Variants in DCAF12 observed in about 807,000 individuals in gnomAD.
DCAF12 encodes DDB1 and CUL4 associated factor 12, also known as DDB1- and CUL4-associated factor 12.
In DCAF12, 28 loss-of-function variants were observed where a neutral mutation model predicts 52.8. That is an observed-to-expected ratio of 0.53 (90% confidence interval 0.39 to 0.73). The LOEUF (loss-of-function observed/expected upper bound fraction) is 0.73, where lower values mean the gene tolerates loss of function less well. Among genes scored for constraint, DCAF12 ranks in the 30% least tolerant of loss-of-function variants. The pLI, the probability that DCAF12 is intolerant of heterozygous loss-of-function variation, is 0.00. For synonymous variants in DCAF12, 196 were observed against 215.5 expected (o/e 0.91, Z 0.79); for missense variants, 425 against 552.2 (o/e 0.77, Z 2.31).
In DCAF12 at chr9:34,087,340, G is replaced by A. The variant is rs917480117; in HGVS notation, c.*1010C>T. 6.6e-6 allele frequency: 1 copy of A among 152,306 alleles called. No homozygotes were observed. Among genetic ancestry groups the A allele is most frequent in the African/African-American group, 2.4e-5 (1 of 41,462 alleles). The allele number at this position is 152,306 out of a possible 1,614,324, so 9.4% of individuals were successfully genotyped here. On this transcript the variant is annotated 3_prime_UTR_variant, in exon 9 of 9. Transcript: ENST00000361264. ...CACTGGGGAGATTGGAAGAATGGCAGAGAGGATTCTCCTCAAAGCCATGGG... is the reference window on the plus strand; with the variant it reads ...CACTGGGGAGATTGGAAGAATGGCAAAGAGGATTCTCCTCAAAGCCATGGG...
chr9:34,098,663 A>C, intron 4 of DCAF12, 146 bp from the exon 5 acceptor site: 3 of 678,246 alleles, frequency 4.4e-6, no homozygotes, highest in Non-Finnish European at 7.2e-6. Flanking sequence ...CACCCTAAAC[A>C]CAGAGCAGTA....
intron 6 of DCAF12, among the ~76,000 whole-genome samples, chr9:34,094,032 A>T (rs1325042135): frequency 6.6e-6 from 1 of 152,204 alleles, no homozygotes; most frequent in East Asian, 1.9e-4. Context: ...AGGTCAGTGG[A>T]GCTCAAAGGC....
Position 34,126,540 on chromosome 9 carries a change from CG to C in DCAF12, c.-110del. The stretch of plus-strand genomic sequence containing the variant: ...CCGGGGCCGCGCACCTTAGTGCGCC[CG>C]GCCCGGAAAATGGCCCGGACCCGGA... On this transcript the variant is annotated 5_prime_UTR_variant, in exon 1 of 9. Transcript: ENST00000361264. 2 of 1,256,712 alleles carry C rather than the reference CG, an allele frequency of 1.6e-6. No individual in the cohort carries two copies. The highest frequency in any genetic ancestry group is 1.1e-6 in the Non-Finnish European group (1 of 939,372). 77.8% of individuals were successfully genotyped at this position (1,256,712 alleles called of 1,614,324 possible).
intron 2 of DCAF12, among the ~76,000 whole-genome samples, chr9:34,113,345 C>G (rs986026799): frequency 6.6e-6 from 1 of 152,020 alleles, no homozygotes; most frequent in Admixed American, 6.6e-5. Context: ...GGCCACTGTA[C>G]GCGGCCTGAA....
At position 34,125,086 on chromosome 9, in the gene DCAF12, A is replaced by G; in HGVS notation, c.270T>C (p.Asn90=). 1 of 1,614,116 alleles carries G rather than the reference A, an allele frequency of 6.2e-7. No homozygotes were observed. Among genetic ancestry groups the G allele is most frequent in the Non-Finnish European group, 8.5e-7 (1 of 1,180,030 alleles). The change falls in exon 2 of 9, where the codon AAT becomes AAC. Residue 90 remains asparagine, a synonymous_variant. Coordinates refer to ENST00000361264, the MANE Select transcript of DCAF12 (RefSeq NM_015397.4). ...KEREFHLGTL[N]KVFASQWLNH... is the part of the protein sequence containing the mutation. Reference sequence around the variant, plus strand: ...TCAACCACTGAGATGCAAACACTTTATTAAGGGTCCCAAGGTGAAACTCTC... The same window carrying G: ...TCAACCACTGAGATGCAAACACTTTGTTAAGGGTCCCAAGGTGAAACTCTC...
intron 2 of DCAF12, among the ~76,000 whole-genome samples, chr9:34,115,362 C>G (rs569728336): frequency 6.7e-6 from 1 of 149,542 alleles, no homozygotes; most frequent in Non-Finnish European, 1.5e-5. Context: ...GAGGCCGAGG[C>G]GGGCGGATCA....
At chr9:34,101,103 G>A (rs1980886) in intron 4 of DCAF12, among the ~76,000 whole-genome samples, 23,960 of 142,620 alleles carry the variant, frequency 0.17, 2,608 homozygotes, top group Non-Finnish European at 0.24. Context: ...ACAGGTTCTG[G>A]CTCTGTCACC....
chr9:34,088,948 A>G (rs1464751505), intron 8 of DCAF12, among the ~76,000 whole-genome samples: 1 of 149,306 alleles, frequency 6.7e-6, no homozygotes, highest in Non-Finnish European at 1.5e-5. Context: ...CATCTCTACT[A>G]AAAAAAAATA....
chr9:34,088,532 A>T, intron 8 of DCAF12, 24 bp from the exon 9 acceptor site: 1 of 1,613,788 alleles, frequency 6.2e-7, no homozygotes, highest in South Asian at 1.1e-5. Context: ...AAGAGACTAC[A>T]ATTAGCACCT....
At chr9:34,092,108 T>C (rs1360101912) in intron 7 of DCAF12, among the ~76,000 whole-genome samples, 1 of 152,178 alleles carries the variant, frequency 6.6e-6, no homozygotes, top group Non-Finnish European at 1.5e-5. Context: ...AGATTTGAGG[T>C]GGAAGCTTAA....
chr9:34,126,610 G>A lies in DCAF12; in HGVS notation c.-179C>T. The A allele has an allele frequency of 4.4e-6, 3 of 681,762 alleles. No homozygotes were observed. Among genetic ancestry groups the A allele is most frequent in the South Asian group, 4.0e-5 (2 of 49,950 alleles). The allele number at this position is 681,762 out of a possible 1,614,324, so 42.2% of individuals were successfully genotyped here. A position where few individuals can be genotyped will look rare whatever the true frequency, so the allele number is the denominator to read the frequency against. ...TAGGCGGAAAGAAAGGAAAGAGAGA[G>A]GAAGGACTTGAGCCGGGAAAGGGAA... On this transcript the variant is annotated 5_prime_UTR_variant, in exon 1 of 9. Transcript: ENST00000361264.
At chr9:34,100,552 T>C in intron 4 of DCAF12, among the ~76,000 whole-genome samples, 1 of 147,688 alleles carries the variant, frequency 6.8e-6, no homozygotes, top group Non-Finnish European at 1.5e-5. Flanking sequence ...TGGAGTGGAG[T>C]GGTGCAATCT....
At chr9:34,120,669 C>CAAAAAAAAAAA (rs71506167) in intron 2 of DCAF12, among the ~76,000 whole-genome samples, 2 of 117,118 alleles carry the variant, frequency 1.7e-5, no homozygotes, top group Non-Finnish European at 1.7e-5. Flanking sequence ...GACGCGGTCT[C>CAAAAAAAAAAA]AAAAAAAAAA....
intron 2 of DCAF12, 43 bp from the exon 3 acceptor site, chr9:34,107,608 G>A (rs752140763): frequency 1.1e-5 from 17 of 1,568,252 alleles, no homozygotes; most frequent in Admixed American, 5.1e-5. Flanking sequence ...TAAATTTAAC[G>A]TGGCCAATAC....
At chr9:34,093,633 T>G in intron 6 of DCAF12, 185 bp from the exon 7 acceptor site, 1 of 601,844 alleles carries the variant, frequency 1.7e-6, no homozygotes. Flanking sequence ...TGAATGTTAA[T>G]AAACGGTAAG....
At chr9:34,118,410 C>T (rs866821042) in intron 2 of DCAF12, among the ~76,000 whole-genome samples, 1 of 152,084 alleles carries the variant, frequency 6.6e-6, no homozygotes, top group African/African-American at 2.4e-5. Context: ...CCGGGATTAC[C>T]GGAGTGAGCC....
At chr9:34,101,343 G>A (rs1162492220) in intron 4 of DCAF12, among the ~76,000 whole-genome samples, 1 of 151,912 alleles carries the variant, frequency 6.6e-6, no homozygotes, top group Non-Finnish European at 1.5e-5. Context: ...GAAATACTGG[G>A]ACTACAAGTG....
At chr9:34,097,830 A>T (rs1828759832) in intron 5 of DCAF12, among the ~76,000 whole-genome samples, 1 of 151,836 alleles carries the variant, frequency 6.6e-6, no homozygotes, top group African/African-American at 2.4e-5. Flanking sequence ...CTACTTGAGA[A>T]TCTGAGGCAG....
intron 6 of DCAF12, 148 bp downstream of exon 6, chr9:34,096,568 C>CA: frequency 1.4e-6 from 1 of 696,922 alleles, no homozygotes; most frequent in Non-Finnish European, 2.3e-6. Context: ...TGCACCACTG[C>CA]ACTCCAGCCT....
Sources: allele counts gnomAD v4.1 joint callset (sites outside exome capture counted in the v4.1 genomes callset), GRCh38; gene constraint gnomAD v4.1.1; transcripts MANE v1.5; gene names NCBI Gene and HGNC (gene_info 2026-07-23, HGNC 2026-07-21).